Variants in KMT2E observed in about 807,000 individuals in gnomAD.
The protein encoded by KMT2E is histone reader KMT2E.
A neutral mutation model predicts 184.6 loss-of-function variants in KMT2E; 30 were observed. The observed-to-expected ratio is 0.16, with a 90% CI of 0.12 to 0.22. The LOEUF (loss-of-function observed/expected upper bound fraction) is 0.22. KMT2E is among the 10% of genes least tolerant of loss of function. The pLI is 1.00. For synonymous variants in KMT2E, 815 were observed against 776.5 expected, an observed-to-expected ratio of 1.05 and a Z score of -0.82; for missense variants, 2,023 against 2,237.4, an observed-to-expected ratio of 0.90 and a Z score of 1.93.
chr7:105,059,992 T>TTGTTTG (rs1796742418), intron 3 of KMT2E, among the ~76,000 whole-genome samples: 62 of 72,504 alleles, frequency 8.6e-4, no homozygotes, highest in African/African-American at 5.8e-3. Flanking sequence ...TTTTTTTTTT[T>TTGTTTG]TTTTTTTTTT....
Position 105,112,294 on chromosome 7 carries a change from C to A in KMT2E, c.4538C>A (p.Ala1513Glu). The A allele has an allele frequency of 1.2e-6, 2 of 1,614,040 alleles. No homozygotes were observed. The highest frequency in any genetic ancestry group is 1.1e-5 in the South Asian group (1 of 91,086). The change falls in exon 27 of 27, where the codon GCA becomes GAA. Residue 1513 changes from alanine (A) to glutamate (E), a missense_variant. Transcript: ENST00000311117. ...AACCTTCCAGCCAATACTCAGCAGG[C>A]AACTTCTGGAACATTATTTACACAG... is the stretch of plus-strand genomic sequence containing the variant. The part of the protein sequence containing the change: ...AQNLPANTQQ[A>E]TSGTLFTQTP...
chr7:105,054,847 A>C (rs1796511403), intron 3 of KMT2E, among the ~76,000 whole-genome samples: 1 of 152,098 alleles, frequency 6.6e-6, no homozygotes, highest in South Asian at 2.1e-4. Context: ...CTCTTTGTTA[A>C]ATAAAAAAGT....
chr7:105,100,495 C>G (rs1477391131), intron 15 of KMT2E, among the ~76,000 whole-genome samples: 1 of 152,142 alleles, frequency 6.6e-6, no homozygotes, highest in Admixed American at 6.5e-5. Context: ...ATTTTAAGAA[C>G]TGGACAGTTG....
chr7:105,055,276 C>G (rs1796534336), intron 3 of KMT2E, among the ~76,000 whole-genome samples: 1 of 136,338 alleles, frequency 7.3e-6, no homozygotes, highest in South Asian at 2.6e-4. Flanking sequence ...TGGACTCAAA[C>G]TCTTGAGCTT....
intron 3 of KMT2E, among the ~76,000 whole-genome samples, chr7:105,052,565 A>G (rs1222418534): frequency 6.6e-6 from 1 of 151,260 alleles, no homozygotes; most frequent in East Asian, 1.9e-4. Context: ...TTTATTTTTT[A>G]TTTTTATTTC....
At chr7:105,088,175 C>G (rs556538485) in intron 13 of KMT2E, among the ~76,000 whole-genome samples, 1 of 152,296 alleles carries the variant, frequency 6.6e-6, no homozygotes, top group South Asian at 2.1e-4. Context: ...TGGTCACTGA[C>G]TACGTAACCT....
chr7:105,019,670 C>T lies in KMT2E; in HGVS notation c.-189+5135C>T, dbSNP rs890021797. On this transcript the variant is annotated intron_variant, in intron 1 of 26. Coordinates refer to ENST00000311117, the MANE Select transcript of KMT2E (RefSeq NM_182931.3). ...TAGAAAGGATCTGCATGCAGGTCAA[C>T]GTGATAAGCAATGATCTATGTAGCT... 3.9e-5 allele frequency among the ~76,000 whole-genome samples: 6 copies of T among 152,084 alleles called. No homozygotes were observed. In the South Asian group the frequency reaches 8.3e-4, roughly 21 times the overall value.
intron 1 of KMT2E, among the ~76,000 whole-genome samples, chr7:105,015,443 A>G (rs1420446102): frequency 6.6e-6 from 1 of 152,222 alleles, no homozygotes; most frequent in Non-Finnish European, 1.5e-5. Flanking sequence ...CGCTAGAGTT[A>G]GCTCTAGAGT....
At chr7:105,048,634 A>G (rs1164570071) in intron 3 of KMT2E, among the ~76,000 whole-genome samples, 1 of 152,202 alleles carries the variant, frequency 6.6e-6, no homozygotes, top group East Asian at 1.9e-4. Context: ...GGAATTTAGA[A>G]TTAAATTTAG....
chr7:105,020,036 A>T (rs1309929871), intron 1 of KMT2E, among the ~76,000 whole-genome samples: 1 of 150,684 alleles, frequency 6.6e-6, no homozygotes, highest in Non-Finnish European at 1.5e-5. Context: ...TGAACCCAGG[A>T]GGCGGAGGTT....
intron 7 of KMT2E, 145 bp downstream of exon 7, chr7:105,073,822 C>T (rs1042921333): frequency 6.5e-5 from 34 of 523,312 alleles, no homozygotes; most frequent in Non-Finnish European, 1.1e-4. Context: ...AGTATGCAAT[C>T]TCTGGTATAG....
At chr7:105,024,245 T>C (rs1795079504) in intron 1 of KMT2E, among the ~76,000 whole-genome samples, 1 of 152,206 alleles carries the variant, frequency 6.6e-6, no homozygotes, top group African/African-American at 2.4e-5. Context: ...TAGCATTTGG[T>C]AGGTGCTTTA....
At chr7:105,109,925 G>T (rs1172291328) in intron 23 of KMT2E, among the ~76,000 whole-genome samples, 1 of 149,398 alleles carries the variant, frequency 6.7e-6, no homozygotes, top group Admixed American at 6.7e-5. Context: ...CTCACTGCAA[G>T]CTCCACTTCC....
chr7:105,092,669 A>G (rs983747857), intron 15 of KMT2E, among the ~76,000 whole-genome samples: 1 of 152,202 alleles, frequency 6.6e-6, no homozygotes, highest in Non-Finnish European at 1.5e-5. Context: ...AGATTCAATT[A>G]TATATAAGTT....
intron 15 of KMT2E, among the ~76,000 whole-genome samples, chr7:105,091,763 C>T (rs1468653282): frequency 6.7e-6 from 1 of 150,262 alleles, no homozygotes; most frequent in Non-Finnish European, 1.5e-5. Context: ...TACAGTCTCA[C>T]ACTGCTATCG....
chr7:105,085,042 CTTTT>C (rs548127073), intron 13 of KMT2E, among the ~76,000 whole-genome samples: 336 of 142,332 alleles, frequency 2.4e-3, no homozygotes, highest in African/African-American at 7.6e-3. Context: ...ATAACTTTTT[CTTTT>C]TTTTTTAATA....
At chr7:105,050,731 T>G (rs558691698) in intron 3 of KMT2E, among the ~76,000 whole-genome samples, 4 of 151,874 alleles carry the variant, frequency 2.6e-5, no homozygotes, top group African/African-American at 7.2e-5. Context: ...CTGTCTGTCT[T>G]TCTGTCTTTC....
At chr7:105,081,253 AG>A (rs1797753941) in intron 12 of KMT2E, among the ~76,000 whole-genome samples, 2 of 151,902 alleles carry the variant, frequency 1.3e-5, no homozygotes, top group Non-Finnish European at 2.9e-5. Flanking sequence ...GCATGGTGGC[AG>A]GTGCCTGTAG....
At chr7:105,063,058 G>A (rs1796886781) in intron 4 of KMT2E, among the ~76,000 whole-genome samples, 1 of 146,948 alleles carries the variant, frequency 6.8e-6, no homozygotes, top group Admixed American at 6.8e-5. Context: ...TCATCTTGGA[G>A]GTGGAGCTAT....
Sources: allele counts gnomAD v4.1 joint callset (sites outside exome capture counted in the v4.1 genomes callset), GRCh38; gene constraint gnomAD v4.1.1; transcripts MANE v1.5; gene names NCBI Gene and HGNC (gene_info 2026-07-23, HGNC 2026-07-21).